Variants in ZMYM4 observed in about 807,000 individuals in gnomAD.
ZMYM4 encodes the protein zinc finger MYM-type protein 4.
In ZMYM4, 31 loss-of-function variants were observed where a neutral mutation model predicts 183.2. That is an observed-to-expected ratio of 0.17 (90% CI 0.13 to 0.23). ZMYM4 has a LOEUF of 0.23. ZMYM4 is among the 10% of genes least tolerant of loss of function. The probability of loss-of-function intolerance (pLI) is 1.00; values close to 1 mark genes in which losing one functional copy is unlikely to be tolerated. For synonymous variants in ZMYM4, 592 were observed against 631.2 expected, an observed-to-expected ratio of 0.94 and a Z score of 0.93; for missense variants, 1,273 against 1,840.3, an observed-to-expected ratio of 0.69 and a Z score of 5.64.
chr1:35,361,469 C>T (rs1206541128), intron 4 of ZMYM4, 150 bp from the exon 5 acceptor site: 1 of 1,000,810 alleles, frequency 1.0e-6, no homozygotes, highest in African/African-American at 1.7e-5. Context: ...ACATATAACA[C>T]AATTACTTTT....
At chr1:35,413,050 A>G (rs1456779310) in intron 26 of ZMYM4, among the ~76,000 whole-genome samples, 1 of 151,914 alleles carries the variant, frequency 6.6e-6, no homozygotes, top group East Asian at 1.9e-4. Context: ...CGCCGTCAGT[A>G]CTTTTTAAAA....
At chr1:35,403,098 A>G (rs935429442) in intron 23 of ZMYM4, among the ~76,000 whole-genome samples, 2 of 152,244 alleles carry the variant, frequency 1.3e-5, no homozygotes, top group Non-Finnish European at 2.9e-5. Flanking sequence ...GAACTTCCTC[A>G]GGTGGATTTC....
At chr1:35,332,368 A>G (rs540538085) in intron 2 of ZMYM4, among the ~76,000 whole-genome samples, 48 of 151,024 alleles carry the variant, frequency 3.2e-4, no homozygotes, top group African/African-American at 1.0e-3. Context: ...CAAGGATTCA[A>G]TGGCTCCGGT....
intron 1 of ZMYM4, among the ~76,000 whole-genome samples, chr1:35,312,431 G>A (rs144806931): frequency 0.017 from 2,528 of 151,754 alleles, 65 homozygotes; most frequent in African/African-American, 0.057. Flanking sequence ...ACCATTTTTA[G>A]GTGTATAATT....
chr1:35,272,821 G>A (rs1382599431), intron 1 of ZMYM4, among the ~76,000 whole-genome samples: 2 of 152,042 alleles, frequency 1.3e-5, no homozygotes, highest in East Asian at 1.9e-4. Context: ...CCATTCCTTC[G>A]CCTCAGCCTC....
At chr1:35,414,129 AT>A in intron 27 of ZMYM4, 46 bp downstream of exon 27, 8 of 1,169,354 alleles carry the variant, frequency 6.8e-6, no homozygotes, top group Non-Finnish European at 9.9e-6. Context: ...GCTTTCTTAA[AT>A]TGCTTAACTT....
At chr1:35,376,031 A>G (rs991518698) in intron 7 of ZMYM4, among the ~76,000 whole-genome samples, 1 of 151,842 alleles carries the variant, frequency 6.6e-6, no homozygotes, top group Non-Finnish European at 1.5e-5. Context: ...AGCTATGATC[A>G]CACTCCTGCT....
chr1:35,287,670 A>G (rs1640569821), intron 1 of ZMYM4, among the ~76,000 whole-genome samples: 1 of 151,978 alleles, frequency 6.6e-6, no homozygotes, highest in Non-Finnish European at 1.5e-5. Context: ...CAGTGACGCA[A>G]TCTCGGCTCA....
At chr1:35,325,944 T>C (rs1642483897) in intron 2 of ZMYM4, among the ~76,000 whole-genome samples, 1 of 152,190 alleles carries the variant, frequency 6.6e-6, no homozygotes, top group East Asian at 1.9e-4. Flanking sequence ...TGGAGATTTA[T>C]ATATGTGTGT....
In ZMYM4 at chr1:35,421,596, T is replaced by C. The variant is rs1640327530; in HGVS notation, c.*1919T>C. ...TACCAGAAAAAAAAATCTGTATCTT[T>C]TACTGAGAACACCCAATACCCAGAT... On this transcript the variant is annotated 3_prime_UTR_variant, in exon 30 of 30. Coordinates refer to ENST00000314607, the MANE Select transcript of ZMYM4 (RefSeq NM_005095.3). 1 of 152,226 alleles carries C rather than the reference T, an allele frequency of 6.6e-6. No homozygotes were observed. The highest frequency in any genetic ancestry group is 1.5e-5 in the Non-Finnish European group (1 of 68,036). The allele number at this position is 152,226 out of a possible 1,614,324, so 9.4% of individuals were successfully genotyped here.
At chr1:35,282,038 G>T (rs940920146) in intron 1 of ZMYM4, among the ~76,000 whole-genome samples, 11 of 152,056 alleles carry the variant, frequency 7.2e-5, no homozygotes, top group Non-Finnish European at 1.2e-4. Context: ...TATACATTTT[G>T]TTTATCCATT....
At chr1:35,324,174 A>G (rs1570354471) in intron 1 of ZMYM4, among the ~76,000 whole-genome samples, 1 of 151,662 alleles carries the variant, frequency 6.6e-6, no homozygotes, top group East Asian at 1.9e-4. Context: ...TTTTTCTGTT[A>G]TCCCTTTCAC....
At chr1:35,292,186 T>G (rs1028281160) in intron 1 of ZMYM4, 5 of 152,108 alleles carry the variant, frequency 3.3e-5, no homozygotes, top group Admixed American at 6.5e-5. Flanking sequence ...TGTGTTTTTG[T>G]TTTAGTTTTA....
chr1:35,285,216 T>C (rs1640418140), intron 1 of ZMYM4, among the ~76,000 whole-genome samples: 1 of 151,960 alleles, frequency 6.6e-6, no homozygotes, highest in African/African-American at 2.4e-5. Context: ...GAAAAAAGAG[T>C]TATTAGGATT....
At chr1:35,397,112 C>T in intron 19 of ZMYM4, 1 of 1,078,134 alleles carries the variant, frequency 9.3e-7, no homozygotes, top group Non-Finnish European at 1.1e-6. Flanking sequence ...GCAAAAACAA[C>T]AAAAACAAAA....
At chr1:35,310,114 T>A (rs1641727932) in intron 1 of ZMYM4, among the ~76,000 whole-genome samples, 1 of 152,056 alleles carries the variant, frequency 6.6e-6, no homozygotes. Flanking sequence ...ATATTTTTTT[T>A]TAGTAGAGAT....
At chr1:35,320,886 G>C (rs555843410) in intron 1 of ZMYM4, among the ~76,000 whole-genome samples, 5 of 152,170 alleles carry the variant, frequency 3.3e-5, no homozygotes, top group Non-Finnish European at 7.4e-5. Flanking sequence ...GCTTTGAGAA[G>C]TGTAGGATTT....
chr1:35,346,165 T>C (rs971334476), intron 2 of ZMYM4, among the ~76,000 whole-genome samples: 1 of 152,242 alleles, frequency 6.6e-6, no homozygotes, highest in Non-Finnish European at 1.5e-5. Context: ...TACCACATTT[T>C]ATCTGTTTAT....
chr1:35,349,084 C>G (rs1485883360), intron 2 of ZMYM4, among the ~76,000 whole-genome samples: 1 of 152,164 alleles, frequency 6.6e-6, no homozygotes, highest in Non-Finnish European at 1.5e-5. Flanking sequence ...CAACCTCCAC[C>G]TCCTGGGTTC....
Sources: gnomAD v4.1 joint callset for allele counts (sites outside exome capture counted in the v4.1 genomes callset) on GRCh38, gnomAD v4.1.1 for gene constraint, MANE v1.5 for transcripts, NCBI Gene and HGNC (gene_info 2026-07-23, HGNC 2026-07-21) for gene names.